FSTL5: variants seen among roughly 807,000 people sequenced by gnomAD.
FSTL5 encodes follistatin like 5, also known as follistatin-related protein 5.
A neutral mutation model predicts 89.1 loss-of-function variants in FSTL5; 62 were observed. That is an observed-to-expected ratio of 0.70 (90% confidence interval 0.57 to 0.86). The LOEUF is 0.86. Among genes scored for constraint, FSTL5 ranks in the 40% least tolerant of loss-of-function variants. FSTL5 has a pLI of 0.00. For synonymous variants in FSTL5, 383 were observed against 346.2 expected (o/e 1.11, Z -1.18); for missense variants, 1,057 against 1,001.6 (o/e 1.06, Z -0.75).
Position 162,120,717 on chromosome 4 carries a change from C to T in FSTL5, c.-16-9305G>A, listed in dbSNP as rs188772737. Reference sequence around the variant, plus strand: ...CATGATAAAAAGTGGTTCTAGAATACAGCTGTCCTTATTCCTAGCATAGTA... The same window carrying T: ...CATGATAAAAAGTGGTTCTAGAATATAGCTGTCCTTATTCCTAGCATAGTA... On this transcript the variant is annotated intron_variant, in intron 1 of 15. Coordinates refer to ENST00000306100, the MANE Select transcript of FSTL5 (RefSeq NM_020116.5). Among the ~76,000 whole-genome samples the T allele has an allele frequency of 5.3e-5, 8 of 152,138 alleles. No homozygotes were observed. The East Asian group carries it at 1.3e-3, about 26-fold the overall frequency.
chr4:161,891,433 C>T (rs1732985045), intron 4 of FSTL5, among the ~76,000 whole-genome samples: 1 of 152,054 alleles, frequency 6.6e-6, no homozygotes, highest in Non-Finnish European at 1.5e-5. Flanking sequence ...AAAACATAGT[C>T]TGGTAGAATA....
intron 10 of FSTL5, among the ~76,000 whole-genome samples, chr4:161,534,399 T>C (rs1731523020): frequency 1.3e-5 from 2 of 152,056 alleles, no homozygotes; most frequent in South Asian, 2.1e-4. Flanking sequence ...AAAACCAATA[T>C]ACAAAAACTA....
In FSTL5 at chr4:161,550,853, G is replaced by A. The variant is rs867064285; in HGVS notation, c.1016-8160C>T. On this transcript the variant is annotated intron_variant, in intron 8 of 15. Transcript: ENST00000306100. Reference sequence around the variant, plus strand: ...GCGGTGTTTGGTTTTTTGTTCTTGCGATAGTTTGCTGAGAATGATGATTTC... The same window carrying A: ...GCGGTGTTTGGTTTTTTGTTCTTGCAATAGTTTGCTGAGAATGATGATTTC... Among the ~76,000 whole-genome samples the A allele has an allele frequency of 3.4e-3, 512 of 151,862 alleles. 1 individual carries two copies. Among genetic ancestry groups the A allele is most frequent in the Non-Finnish European group, 4.4e-3 (301 of 67,924 alleles).
chr4:161,825,682 G>A (rs1284318005), intron 4 of FSTL5, among the ~76,000 whole-genome samples: 2 of 152,032 alleles, frequency 1.3e-5, no homozygotes, highest in Non-Finnish European at 2.9e-5. Flanking sequence ...GCATAAAGAT[G>A]TTCTTAGTAG....
chr4:162,104,684 G>A (rs1731145260), intron 2 of FSTL5, among the ~76,000 whole-genome samples: 1 of 152,168 alleles, frequency 6.6e-6, no homozygotes, highest in African/African-American at 2.4e-5. Context: ...CTACTGTGAA[G>A]AATGAACTGT....
chr4:162,151,275 C>T (rs943395679), intron 1 of FSTL5, among the ~76,000 whole-genome samples: 53 of 151,956 alleles, frequency 3.5e-4, no homozygotes, highest in Non-Finnish European at 7.4e-4. Flanking sequence ...TAGCAACTTC[C>T]CAATCAAAAA....
intron 1 of FSTL5, among the ~76,000 whole-genome samples, chr4:162,113,857 G>T (rs1400811220): frequency 6.6e-6 from 1 of 152,044 alleles, no homozygotes; most frequent in Non-Finnish European, 1.5e-5. Flanking sequence ...CTTCATTTCA[G>T]GGATGTAATT....
intron 15 of FSTL5, among the ~76,000 whole-genome samples, chr4:161,402,922 C>A (rs372176605): frequency 6.6e-6 from 1 of 151,564 alleles, no homozygotes; most frequent in Admixed American, 6.6e-5. Context: ...CCCAGGTTCA[C>A]GCTATTCTCC....
chr4:161,799,607 A>G (rs1234774270), intron 4 of FSTL5, among the ~76,000 whole-genome samples: 1 of 151,706 alleles, frequency 6.6e-6, no homozygotes, highest in Non-Finnish European at 1.5e-5. Context: ...CCAAAAAAGA[A>G]ATGGGAAAGC....
rs528808151 is a variant in FSTL5 at position 161,644,877 on chromosome 4, G to A, written c.894+11451C>T. ...AAGGCAGCTACAGTGGAAATAAGAG[G>A]ACATAATGAATTTGAGATAAATGAA... is the stretch of plus-strand genomic sequence containing the variant. On this transcript the variant is annotated intron_variant, in intron 7 of 15. Transcript: ENST00000306100. 5.3e-5 allele frequency among the ~76,000 whole-genome samples: 8 copies of A among 152,192 alleles called. No individual in the cohort carries two copies. The East Asian group carries it at 1.6e-3, about 29-fold the overall frequency.
intron 8 of FSTL5, among the ~76,000 whole-genome samples, chr4:161,578,115 A>G (rs1216873537): frequency 6.6e-6 from 1 of 152,100 alleles, no homozygotes; most frequent in East Asian, 1.9e-4. Context: ...GGAAAATATG[A>G]CTCATGAGAG....
intron 4 of FSTL5, among the ~76,000 whole-genome samples, chr4:161,918,288 T>C (rs1416722491): frequency 1.3e-5 from 2 of 152,166 alleles, no homozygotes; most frequent in Non-Finnish European, 2.9e-5. Flanking sequence ...TATGAGTTAG[T>C]TGTATTTTAG....
At chr4:162,092,931 G>C (rs376621050) in intron 2 of FSTL5, among the ~76,000 whole-genome samples, 4 of 115,548 alleles carry the variant, frequency 3.5e-5, no homozygotes, top group Non-Finnish European at 1.6e-5. Flanking sequence ...CTGGGTGACA[G>C]AGCGAGACTC....
chr4:161,547,508 T>C (rs1166657992), intron 8 of FSTL5, among the ~76,000 whole-genome samples: 1 of 151,904 alleles, frequency 6.6e-6, no homozygotes, highest in Non-Finnish European at 1.5e-5. Context: ...AAAGAATAAT[T>C]AGTGGTCAGT....
chr4:161,491,324 G>A (rs1033769678), intron 12 of FSTL5, among the ~76,000 whole-genome samples: 8 of 151,668 alleles, frequency 5.3e-5, no homozygotes, highest in Middle Eastern at 3.4e-3. Flanking sequence ...GGGAGCTATC[G>A]GCTATTAGAT....
chr4:161,849,418 A>AT (rs958912452), intron 4 of FSTL5, among the ~76,000 whole-genome samples: 12 of 152,110 alleles, frequency 7.9e-5, no homozygotes, highest in Admixed American at 7.2e-4. Context: ...GGAAAAAAAA[A>AT]GCCTCTAAAG....
chr4:161,829,139 T>TTA (rs56839306), intron 4 of FSTL5, among the ~76,000 whole-genome samples: 20,699 of 139,752 alleles, frequency 0.15, 1,531 homozygotes, highest in South Asian at 0.23. Flanking sequence ...CAGTCACATT[T>TTA]TATATATATA....
intron 7 of FSTL5, among the ~76,000 whole-genome samples, chr4:161,627,360 C>T (rs1045563281): frequency 2.0e-5 from 3 of 152,172 alleles, no homozygotes; most frequent in Admixed American, 6.6e-5. Flanking sequence ...AAATAACATA[C>T]TTTTAATTCA....
At chr4:161,605,087 T>C (rs1382047823) in intron 7 of FSTL5, among the ~76,000 whole-genome samples, 1 of 152,112 alleles carries the variant, frequency 6.6e-6, no homozygotes, top group Non-Finnish European at 1.5e-5. Context: ...GCAGGCCACA[T>C]GTTTTGCTCT....
Sources: allele counts gnomAD v4.1 joint callset (sites outside exome capture counted in the v4.1 genomes callset), GRCh38; gene constraint gnomAD v4.1.1; transcripts MANE v1.5; gene names NCBI Gene and HGNC (gene_info 2026-07-23, HGNC 2026-07-21).